Variants in ABCC2 observed in about 807,000 individuals in gnomAD.
ABCC2 encodes ATP-binding cassette sub-family C member 2.
In ABCC2, 157 loss-of-function variants were observed where a neutral mutation model predicts 173.4. That is an observed-to-expected ratio of 0.91 (90% CI 0.80 to 1.03). The LOEUF (loss-of-function observed/expected upper bound fraction) is 1.03. Among genes scored for constraint, ABCC2 ranks in the 50% least tolerant of loss-of-function variants. The probability of loss-of-function intolerance (pLI) is 0.00; values close to 1 mark genes in which losing one functional copy is unlikely to be tolerated. For synonymous variants in ABCC2, 657 were observed against 693.5 expected (o/e 0.95, Z 0.83); for missense variants, 1,822 against 1,852.3 (o/e 0.98, Z 0.30).
chr10:99,804,527 C>G (rs1234136075), intron 10 of ABCC2, among the ~76,000 whole-genome samples: 1 of 152,124 alleles, frequency 6.6e-6, no homozygotes, highest in Non-Finnish European at 1.5e-5. Context: ...CCCAGAGATG[C>G]TGCACATAAT....
In ABCC2 at chr10:99,811,595, G is replaced by A. The variant is rs1421064825; in HGVS notation, c.1960G>A (p.Val654Ile). The change falls in exon 15 of 32, where the codon GTC (valine) becomes ATC (isoleucine). Residue 654 changes from valine (V) to isoleucine (I), a missense_variant. Val to Ile is a conservative substitution (Grantham distance 29, BLOSUM62 3). Coordinates refer to ENST00000647814, the MANE Select transcript of ABCC2 (RefSeq NM_000392.5). ...FTWEHDSEAT[V>I]RDVNLDIMAG... ...CTGGGAACATGATTCGGAAGCCACA[G>A]TCCGAGAGTGAGTTGCCTTCTTTCC... 2 of 1,614,108 alleles carry A rather than the reference G, an allele frequency of 1.2e-6. No individual in the cohort carries two copies. The highest frequency in any genetic ancestry group is 1.7e-5 in the Admixed American group (1 of 60,026).
intron 11 of ABCC2, among the ~76,000 whole-genome samples, chr10:99,805,775 C>T (rs1212426556): frequency 6.6e-6 from 1 of 152,116 alleles, no homozygotes; most frequent in African/African-American, 2.4e-5. Flanking sequence ...ATCTATAAAC[C>T]CACACCCCTC....
intron 19 of ABCC2, among the ~76,000 whole-genome samples, chr10:99,827,199 G>A (rs954161693): frequency 4.6e-5 from 7 of 152,044 alleles, no homozygotes; most frequent in South Asian, 2.1e-4. Context: ...AGCTACTGGC[G>A]GTTGGGTCTT....
chr10:99,811,431 C>A, intron 14 of ABCC2, 105 bp from the exon 15 acceptor site: 4 of 1,163,726 alleles, frequency 3.4e-6, no homozygotes, highest in Non-Finnish European at 5.2e-6. Context: ...CAGCACTTAG[C>A]AGAAACAATC....
At chr10:99,814,931 A>G (rs2038377544) in intron 16 of ABCC2, among the ~76,000 whole-genome samples, 1 of 150,432 alleles carries the variant, frequency 6.6e-6, no homozygotes, top group Non-Finnish European at 1.5e-5. Flanking sequence ...AGCCTCCCAA[A>G]TAGCTGGGAT....
intron 2 of ABCC2, among the ~76,000 whole-genome samples, chr10:99,791,479 A>G (rs913808643): frequency 2.6e-5 from 4 of 152,212 alleles, no homozygotes; most frequent in Admixed American, 6.5e-5. Context: ...TTCTGTTGCT[A>G]TATAACAAAA....
chr10:99,789,616 G>T (rs922015777), intron 2 of ABCC2, among the ~76,000 whole-genome samples: 48 of 150,490 alleles, frequency 3.2e-4, no homozygotes, highest in African/African-American at 1.1e-3. Flanking sequence ...TTGGGAGGCT[G>T]AGGCAGGAGA....
chr10:99,836,926 G>C (rs1218150696), intron 25 of ABCC2, among the ~76,000 whole-genome samples: 1 of 152,176 alleles, frequency 6.6e-6, no homozygotes, highest in Non-Finnish European at 1.5e-5. Flanking sequence ...AAAGTGTCTT[G>C]AGGCGCTAAA....
intron 11 of ABCC2, 80 bp downstream of exon 11, chr10:99,805,527 A>G (rs2038085471): frequency 2.1e-6 from 3 of 1,400,332 alleles, no homozygotes; most frequent in Non-Finnish European, 3.0e-6. Context: ...ACCCTGGTAG[A>G]GGTGATGGAT....
intron 16 of ABCC2, among the ~76,000 whole-genome samples, chr10:99,814,036 T>C (rs1460523137): frequency 1.3e-5 from 2 of 151,704 alleles, no homozygotes; most frequent in Non-Finnish European, 1.5e-5. Context: ...AAATCTGGTG[T>C]AGGGTGTTGT....
Position 99,797,126 on chromosome 10 carries a change from T to C in ABCC2, c.662T>C (p.Leu221Pro). 6.2e-7 allele frequency: 1 copy of C among 1,614,148 alleles called. No individual in the cohort carries two copies. The highest frequency in any genetic ancestry group is 8.5e-7 in the Non-Finnish European group (1 of 1,180,006). The change falls in exon 7 of 32, where the codon CTG becomes CCG. Residue 221 changes from leucine (L) to proline (P), a missense_variant. Leu to Pro is a moderately conservative substitution (Grantham distance 98). Transcript: ENST00000647814. ...SIILKGYKRP[L>P]TLEDVWEVDE... is the part of the protein sequence containing the mutation. ...ATTCTGAAAGGCTACAAGCGTCCTC[T>C]GACACTCGAGGATGTCTGGGAAGTT...
chr10:99,819,004 G>A, intron 18 of ABCC2, 47 bp downstream of exon 18: 1 of 1,609,274 alleles, frequency 6.2e-7, no homozygotes, highest in South Asian at 1.1e-5. Flanking sequence ...GGGGTGGGAG[G>A]GAGAGGGGAG....
chr10:99,793,456 G>A (rs895464165), intron 3 of ABCC2, 95 bp from the exon 4 acceptor site: 2 of 1,562,690 alleles, frequency 1.3e-6, no homozygotes, highest in African/African-American at 2.7e-5. Flanking sequence ...TCCTCCCTCA[G>A]CCCTCCTTTC....
At chr10:99,847,220 G>A in intron 30 of ABCC2, 93 bp downstream of exon 30, 1 of 1,418,594 alleles carries the variant, frequency 7.0e-7, no homozygotes, top group Middle Eastern at 2.3e-4. Context: ...GCCTGGCATA[G>A]AATTTTCATC....
In ABCC2 at chr10:99,851,706, A is replaced by AAT; in HGVS notation, c.*75_*76insAT. 7.3e-7 allele frequency: 1 copy of AAT among 1,369,170 alleles called. No homozygotes were observed. 84.8% of individuals were successfully genotyped at this position (1,369,170 alleles called of 1,614,324 possible). ...AATTTTATTTTTTATAAAATACAGA[A>AAT]TACATACAAAAGTGTGTATAAAATG... On this transcript the variant is annotated 3_prime_UTR_variant, in exon 32 of 32. Coordinates refer to ENST00000647814, the MANE Select transcript of ABCC2 (RefSeq NM_000392.5).
Position 99,804,022 on chromosome 10 carries a change from T to A in ABCC2, c.1213T>A (p.Leu405Met), listed in dbSNP as rs772814626. 1 of 1,614,176 alleles carries A rather than the reference T, an allele frequency of 6.2e-7. No homozygotes were observed. The highest frequency in any genetic ancestry group is 1.1e-5 in the South Asian group (1 of 91,080). The change falls in exon 10 of 32, where the codon TTG (leucine) becomes ATG (methionine). Residue 405 changes from leucine to methionine, a missense_variant. Coordinates refer to ENST00000647814, the MANE Select transcript of ABCC2 (RefSeq NM_000392.5). Reference protein sequence around the residue: ...AIMASVYKKALTLSNLARKEY... With the variant: ...AIMASVYKKAMTLSNLARKEY... ...TAATTTCAATCCTTATCTTTAGGCA[T>A]TGACCCTATCCAACTTGGCCAGGAA...
chr10:99,784,278 C>T (rs568948357), intron 1 of ABCC2, among the ~76,000 whole-genome samples: 1 of 152,230 alleles, frequency 6.6e-6, no homozygotes, highest in South Asian at 2.1e-4. Context: ...ACTATTCTGT[C>T]CTTTAAACTG....
intron 2 of ABCC2, 33 bp downstream of exon 2, chr10:99,784,814 T>A (rs778247298): frequency 6.2e-7 from 1 of 1,608,740 alleles, no homozygotes; most frequent in African/African-American, 1.3e-5. Flanking sequence ...TGAACTCTAA[T>A]TCCTTGGTGC....
intron 16 of ABCC2, among the ~76,000 whole-genome samples, chr10:99,814,604 T>TATACACACAC (rs1564685528): frequency 9.7e-6 from 1 of 102,862 alleles, no homozygotes; most frequent in Non-Finnish European, 2.1e-5. Context: ...TACACACACA[T>TATACACACAC]ATGTGTATAT....
Sources: gnomAD v4.1 joint callset for allele counts (sites outside exome capture counted in the v4.1 genomes callset) on GRCh38, gnomAD v4.1.1 for gene constraint, MANE v1.5 for transcripts, NCBI Gene and HGNC (gene_info 2026-07-23, HGNC 2026-07-21) for gene names.